TRARG1: variants seen among roughly 807,000 people sequenced by gnomAD.
The protein encoded by TRARG1 is trafficking regulator of GLUT4 (SLC2A4) 1 (gene/pseudogene), also known as trafficking regulator of GLUT4 1.
In TRARG1, 16 loss-of-function variants were observed where a neutral mutation model predicts 13.3. That is an observed-to-expected ratio of 1.20 (90% CI 0.81 to 1.83). The LOEUF (loss-of-function observed/expected upper bound fraction) is 1.83. Among genes scored for constraint, TRARG1 ranks in the 40% most tolerant of loss-of-function variants. The pLI is 0.00. For missense variants in TRARG1, 250 were observed against 237.4 expected, an observed-to-expected ratio of 1.05 and a Z score of -0.35; for synonymous variants, 113 against 106.2, an observed-to-expected ratio of 1.06 and a Z score of -0.39.
chr17:1,285,930 C>T (rs1180976588), intron 1 of TRARG1, among the ~76,000 whole-genome samples: 3 of 152,052 alleles, frequency 2.0e-5, no homozygotes, highest in Non-Finnish European at 4.4e-5. Flanking sequence ...AAGGAGGGAG[C>T]GGCCAGCTCC....
chr17:1,283,812 A>AT lies in TRARG1; in HGVS notation c.387+3424_387+3425insT, dbSNP rs1555631060. Among the ~76,000 whole-genome samples the AT allele has an allele frequency of 1.0e-4, 15 of 149,946 alleles. 1 individual carries two copies. The highest frequency in any genetic ancestry group is 1.3e-4 in the Admixed American group (2 of 14,954). On this transcript the variant is annotated intron_variant, in intron 1 of 2. Coordinates refer to ENST00000333813, the MANE Select transcript of TRARG1 (RefSeq NM_172367.3). ...TAACAGAGTGAGATTCTATCTCAAA[A>AT]AAAATAAAATAAAATAAAGGGCCGG...
intron 1 of TRARG1, among the ~76,000 whole-genome samples, chr17:1,280,809 G>A (rs915392100): frequency 6.6e-6 from 1 of 152,164 alleles, no homozygotes; most frequent in Admixed American, 6.5e-5. Context: ...GCGCCCATGT[G>A]TCCTCCCAGG....
At position 1,300,207 on chromosome 17, in the gene TRARG1, G is replaced by A. The variant is rs374948497; in HGVS notation, c.*1943G>A. 3.9e-5 allele frequency: 6 copies of A among 152,292 alleles called. No individual in the cohort carries two copies. The highest frequency in any genetic ancestry group is 6.5e-5 in the Admixed American group (1 of 15,288). The allele number at this position is 152,292 out of a possible 1,614,324, so 9.4% of individuals were successfully genotyped here. A position where few individuals can be genotyped will look rare whatever the true frequency, so the allele number is the denominator to read the frequency against. ...TCACGTCACACAGGGGAGAGGCGAG[G>A]TCGATGGAACTGGCCACGCACAGGC... On this transcript the variant is annotated 3_prime_UTR_variant, in exon 3 of 3. Transcript: ENST00000333813.
In TRARG1 at chr17:1,279,679, C is replaced by T; in HGVS notation, c.-323C>T. 1 of 342,862 alleles carries T rather than the reference C, an allele frequency of 2.9e-6. No individual in the cohort carries two copies. Among genetic ancestry groups the T allele is most frequent in the Non-Finnish European group, 5.3e-6 (1 of 187,532 alleles). 21.2% of individuals were successfully genotyped at this position (342,862 alleles called of 1,614,324 possible). ...GAAGAGGCGCATTCTTCTCTCTGCT[C>T]TCTGAGCTTTCCGTTGCTTCCCTGC... On this transcript the variant is annotated 5_prime_UTR_variant, in exon 1 of 3. Coordinates refer to ENST00000333813, the MANE Select transcript of TRARG1 (RefSeq NM_172367.3).
chr17:1,285,272 G>A (rs111941784), intron 1 of TRARG1, among the ~76,000 whole-genome samples: 1 of 151,764 alleles, frequency 6.6e-6, no homozygotes, highest in Non-Finnish European at 1.5e-5. Flanking sequence ...TTAGCCAGGC[G>A]TGGCGGCACA....
rs2071958192 is a variant in TRARG1 at position 1,279,851 on chromosome 17, T to C, written c.-151T>C. On this transcript the variant is annotated 5_prime_UTR_variant, in exon 1 of 3. Coordinates refer to ENST00000333813, the MANE Select transcript of TRARG1 (RefSeq NM_172367.3). ...TGGCTTGAGAAGCTCAGCCCAACCC[T>C]TCCAGCACCCAGCCGGCCCTCCGTC... is the stretch of plus-strand genomic sequence containing the variant. 3 of 901,496 alleles carry C rather than the reference T, an allele frequency of 3.3e-6. No individual in the cohort carries two copies. The highest frequency in any genetic ancestry group is 4.9e-6 in the Non-Finnish European group (3 of 618,278). The allele number at this position is 901,496 out of a possible 1,614,324, so 55.8% of individuals were successfully genotyped here.
chr17:1,298,633 G>A lies in TRARG1; in HGVS notation c.*369G>A, dbSNP rs1174691112. ...ACCCAGCCCCACAAACGAGACACAC[G>A]CTGGCGGGGAGAGACGCAGCAGAGC... On this transcript the variant is annotated 3_prime_UTR_variant, in exon 3 of 3. Coordinates refer to ENST00000333813, the MANE Select transcript of TRARG1 (RefSeq NM_172367.3). The A allele has an allele frequency of 3.3e-5, 9 of 269,270 alleles. No homozygotes were observed. The highest frequency in any genetic ancestry group is 4.4e-5 in the African/African-American group (2 of 45,728). 16.7% of individuals were successfully genotyped at this position (269,270 alleles called of 1,614,324 possible). A position where few individuals can be genotyped will look rare whatever the true frequency, so the allele number is the denominator to read the frequency against.
intron 1 of TRARG1, among the ~76,000 whole-genome samples, chr17:1,294,780 G>A (rs958779367): frequency 2.6e-5 from 4 of 151,808 alleles, no homozygotes; most frequent in African/African-American, 9.7e-5. Flanking sequence ...CCACCTCCTG[G>A]GTTCAAGCGA....
At chr17:1,294,406 G>A (rs948650700) in intron 1 of TRARG1, among the ~76,000 whole-genome samples, 3 of 151,152 alleles carry the variant, frequency 2.0e-5, no homozygotes, top group Non-Finnish European at 2.9e-5. Context: ...GATCCGGGAA[G>A]TGGGCTTGAT....
intron 2 of TRARG1, among the ~76,000 whole-genome samples, 156 bp downstream of exon 2, chr17:1,295,779 C>T (rs559151239): frequency 4.1e-4 from 63 of 152,328 alleles, no homozygotes; most frequent in Middle Eastern, 6.8e-3. Context: ...TAAAGTGCCC[C>T]AGTTCCCAGG....
chr17:1,291,837 T>C (rs1319686861), intron 1 of TRARG1, among the ~76,000 whole-genome samples: 1 of 152,134 alleles, frequency 6.6e-6, no homozygotes, highest in Non-Finnish European at 1.5e-5. Context: ...AATAAAGCCC[T>C]GTGGAGGTTG....
chr17:1,292,054 G>A (rs917967417), intron 1 of TRARG1, among the ~76,000 whole-genome samples: 1 of 152,162 alleles, frequency 6.6e-6, no homozygotes, highest in East Asian at 1.9e-4. Flanking sequence ...TGTAATCCCA[G>A]CTACTTGGGA....
At chr17:1,285,934 C>G (rs1437838497) in intron 1 of TRARG1, among the ~76,000 whole-genome samples, 1 of 152,140 alleles carries the variant, frequency 6.6e-6, no homozygotes, top group African/African-American at 2.4e-5. Context: ...AGGGAGCGGC[C>G]AGCTCCGAGG....
intron 2 of TRARG1, among the ~76,000 whole-genome samples, chr17:1,296,196 T>G (rs2072109358): frequency 6.6e-6 from 1 of 152,250 alleles, no homozygotes; most frequent in African/African-American, 2.4e-5. Flanking sequence ...TTATTTTGTA[T>G]TAATTAACTT....
intron 1 of TRARG1, among the ~76,000 whole-genome samples, chr17:1,290,820 C>T (rs935183208): frequency 3.9e-5 from 6 of 151,970 alleles, no homozygotes; most frequent in Admixed American, 6.6e-5. Flanking sequence ...GGGAGGGACC[C>T]GGTGGAGGTC....
At position 1,280,254 on chromosome 17, in the gene TRARG1, A is replaced by T. The variant is rs568148069; in HGVS notation, c.253A>T (p.Arg85Trp). 6.2e-7 allele frequency: 1 copy of T among 1,614,034 alleles called. No individual in the cohort carries two copies. Among genetic ancestry groups the T allele is most frequent in the Non-Finnish European group, 8.5e-7 (1 of 1,179,998 alleles). Residue 85 changes from arginine (R) to tryptophan (W), a missense_variant, in exon 1 of 3, where the codon AGG (arginine) becomes TGG (tryptophan). By Grantham distance (101) the Arg-to-Trp change is moderately radical. Coordinates refer to ENST00000333813, the MANE Select transcript of TRARG1 (RefSeq NM_172367.3). Reference protein sequence around the residue: ...PRSPSRASSRRASSIATTSYA... With the variant: ...PRSPSRASSRWASSIATTSYA... Reference sequence around the variant, plus strand: ...GTCCCCCTCCCGGGCCAGCTCAAGGAGGGCGTCCTCCATCGCCACCACCTC... The same window carrying T: ...GTCCCCCTCCCGGGCCAGCTCAAGGTGGGCGTCCTCCATCGCCACCACCTC...
intron 1 of TRARG1, among the ~76,000 whole-genome samples, chr17:1,284,496 C>T (rs1373381733): frequency 6.6e-6 from 1 of 152,090 alleles, no homozygotes; most frequent in Non-Finnish European, 1.5e-5. Context: ...GGAATGCAGG[C>T]AAGAGGCGAA....
At chr17:1,284,393 G>A (rs965952306) in intron 1 of TRARG1, among the ~76,000 whole-genome samples, 1 of 152,216 alleles carries the variant, frequency 6.6e-6, no homozygotes, top group African/African-American at 2.4e-5. Context: ...GAGGAGTGTG[G>A]TTGGATCTCC....
intron 1 of TRARG1, among the ~76,000 whole-genome samples, chr17:1,286,218 G>T (rs1298366730): frequency 6.6e-6 from 1 of 152,224 alleles, no homozygotes; most frequent in Non-Finnish European, 1.5e-5. Context: ...CAGGGATGTG[G>T]GTCCAAGGTC....
Sources: allele counts gnomAD v4.1 joint callset (sites outside exome capture counted in the v4.1 genomes callset), GRCh38; gene constraint gnomAD v4.1.1; transcripts MANE v1.5; gene names NCBI Gene and HGNC (gene_info 2026-07-23, HGNC 2026-07-21).